The following SASH1 variants were observed in gnomAD, a reference collection of about 807,000 sequenced individuals.
SASH1 encodes SAM and SH3 domain containing 1.
Under a neutral mutation model 125.2 loss-of-function variants are expected in SASH1, and 44 were observed. The ratio of observed to expected loss-of-function variants is 0.35; its 90% CI spans 0.28 to 0.45. The LOEUF (loss-of-function observed/expected upper bound fraction) is 0.45, where lower values mean the gene tolerates loss of function less well. SASH1 is among the 20% of genes least tolerant of loss of function. The pLI is 1.00. For synonymous variants in SASH1, 639 were observed against 649.1 expected (o/e 0.98, Z 0.24); for missense variants, 1,426 against 1,614.5 (o/e 0.88, Z 2.00).
the SASH1 span, among the ~76,000 whole-genome samples, chr6:148,253,211 CA>C: frequency 6.6e-6 from 1 of 152,178 alleles, no homozygotes; most frequent in African/African-American, 2.4e-5. Flanking sequence ...GTGGTGCTGG[CA>C]TAACAACAGA....
intron 1 of SASH1, among the ~76,000 whole-genome samples, chr6:148,353,929 G>A (rs567456166): frequency 7.9e-5 from 12 of 152,118 alleles, no homozygotes; most frequent in East Asian, 3.9e-4. Flanking sequence ...CAGTGTTTTG[G>A]GAGGCCAAGA....
intron 4 of SASH1, among the ~76,000 whole-genome samples, chr6:148,461,877 A>G (rs1271268836): frequency 6.6e-6 from 1 of 152,252 alleles, no homozygotes; most frequent in Non-Finnish European, 1.5e-5. Context: ...TTGTCATGAA[A>G]GGAGCAAAAT....
At chr6:148,463,916 C>T (rs1011279686) in intron 4 of SASH1, among the ~76,000 whole-genome samples, 1 of 152,158 alleles carries the variant, frequency 6.6e-6, no homozygotes, top group Non-Finnish European at 1.5e-5. Context: ...TGCAGTCGCC[C>T]TTCTTGAATC....
At chr6:148,242,954 A>G in the SASH1 span, among the ~76,000 whole-genome samples, 1 of 152,122 alleles carries the variant, frequency 6.6e-6, no homozygotes, top group Non-Finnish European at 1.5e-5. Context: ...TACTAATGGT[A>G]TAAATCCCAT....
chr6:148,416,907 GGAAA>G (rs1400976621), intron 2 of SASH1, among the ~76,000 whole-genome samples: 1 of 152,198 alleles, frequency 6.6e-6, no homozygotes, highest in African/African-American at 2.4e-5. Context: ...GGGATTTACT[GGAAA>G]GACTCAGTCC....
chr6:148,534,943 C>T, intron 16 of SASH1, 42 bp downstream of exon 16: 2 of 1,603,508 alleles, frequency 1.2e-6, no homozygotes, highest in Non-Finnish European at 1.7e-6. Context: ...GTGAGGTCTG[C>T]CACAGCAGGC....
At chr6:148,318,358 G>T (rs1319867828) in intron 1 of SASH1, among the ~76,000 whole-genome samples, 2 of 152,154 alleles carry the variant, frequency 1.3e-5, no homozygotes. Flanking sequence ...AAACAGCATA[G>T]TAACAGTATA....
rs114906473 is a variant in SASH1, at chr6:148,288,598, G to A, written n.74+16221G>A. ...CCTTGCTTGCTATTCCTGACTTCAAGAATATGTGACTTCTATCATTTCCTA... is the reference window on the plus strand; with the variant it reads ...CCTTGCTTGCTATTCCTGACTTCAAAAATATGTGACTTCTATCATTTCCTA... On this transcript the variant is annotated intron_variant and non_coding_transcript_variant, in intron 1 of 3. Coordinates refer to the SASH1 transcript ENST00000367469. 6.5e-3 allele frequency among the ~76,000 whole-genome samples: 981 copies of A among 152,082 alleles called. 8 individuals are homozygous for A. Among genetic ancestry groups the A allele is most frequent in the African/African-American group, 0.023 (940 of 41,486 alleles).
intron 7 of SASH1, among the ~76,000 whole-genome samples, chr6:148,485,309 G>T (rs951960262): frequency 6.6e-6 from 1 of 152,152 alleles, no homozygotes; most frequent in Non-Finnish European, 1.5e-5. Flanking sequence ...GAACATCCTA[G>T]TGTATAACAT....
At chr6:148,347,917 A>G (rs1181797450) in intron 1 of SASH1, among the ~76,000 whole-genome samples, 2 of 152,216 alleles carry the variant, frequency 1.3e-5, no homozygotes, top group Admixed American at 6.5e-5. Context: ...TACTCAGGGT[A>G]ACAGAGAGGA....
At chr6:148,464,536 A>C (rs1012853182) in intron 4 of SASH1, among the ~76,000 whole-genome samples, 1 of 152,132 alleles carries the variant, frequency 6.6e-6, no homozygotes, top group Non-Finnish European at 1.5e-5. Context: ...GCCTCTTTGG[A>C]GCTGACGTCT....
chr6:148,310,678 C>T (rs941070115), intron 1 of SASH1, among the ~76,000 whole-genome samples: 1 of 152,058 alleles, frequency 6.6e-6, no homozygotes, highest in African/African-American at 2.4e-5. Context: ...TATCTCAAAA[C>T]TCAATAACAA....
the SASH1 span, among the ~76,000 whole-genome samples, chr6:148,257,284 G>A: frequency 6.6e-6 from 1 of 152,286 alleles, no homozygotes; most frequent in East Asian, 1.9e-4. Context: ...TCTGGCACAT[G>A]GTTAGGGCTT....
At chr6:148,473,345 C>T (rs1048541880) in intron 6 of SASH1, among the ~76,000 whole-genome samples, 14 of 151,472 alleles carry the variant, frequency 9.2e-5, no homozygotes, top group African/African-American at 2.4e-4. Context: ...CTTCACCTCC[C>T]GGGTTCAAAG....
intron 1 of SASH1, among the ~76,000 whole-genome samples, chr6:148,290,329 G>A (rs1032576863): frequency 1.2e-4 from 18 of 151,770 alleles, no homozygotes; most frequent in Admixed American, 3.3e-4. Context: ...GTTCTTGGCC[G>A]GGCGCGGTGG....
chr6:148,218,763 T>C, the SASH1 span, among the ~76,000 whole-genome samples: 1 of 152,172 alleles, frequency 6.6e-6, no homozygotes, highest in Admixed American at 6.5e-5. Context: ...ATCCAGGCAG[T>C]TCAGAGTCCA....
the SASH1 span, among the ~76,000 whole-genome samples, chr6:148,228,731 TG>T: frequency 6.6e-6 from 1 of 152,228 alleles, no homozygotes; most frequent in Admixed American, 6.5e-5. Context: ...ATAAAAACAT[TG>T]TTCTACAGTT....
At chr6:148,204,083 T>C in the SASH1 span, among the ~76,000 whole-genome samples, 1 of 152,196 alleles carries the variant, frequency 6.6e-6, no homozygotes, top group African/African-American at 2.4e-5. Context: ...CCACATTCAT[T>C]ATGTGTTTGT....
At chr6:148,512,594 C>A (rs1013238912) in intron 8 of SASH1, 19 of 984,792 alleles carry the variant, frequency 1.9e-5, no homozygotes, top group Non-Finnish European at 2.2e-5. Context: ...CCAGACAAAA[C>A]CATTTTGTAT....
Sources: allele counts gnomAD v4.1 joint callset (sites outside exome capture counted in the v4.1 genomes callset), GRCh38; gene constraint gnomAD v4.1.1; transcripts MANE v1.5; gene names NCBI Gene and HGNC (gene_info 2026-07-23, HGNC 2026-07-21).